Variants in PDE1C observed in about 807,000 individuals in gnomAD.
PDE1C encodes the protein dual specificity calcium/calmodulin-dependent 3',5'-cyclic nucleotide phosphodiesterase 1C.
Under a neutral mutation model 93.1 loss-of-function variants are expected in PDE1C, and 62 were observed. The observed-to-expected ratio is 0.67, with a 90% confidence interval of 0.54 to 0.82. The LOEUF (loss-of-function observed/expected upper bound fraction) is 0.82, where lower values mean the gene tolerates loss of function less well. PDE1C is among the 40% of genes least tolerant of loss of function. PDE1C has a pLI of 0.00. For missense variants in PDE1C, 742 were observed against 884.6 expected (o/e 0.84, Z 2.04); for synonymous variants, 325 against 310.1 (o/e 1.05, Z -0.50).
chr7:31,838,239 G>A (rs1026632247), intron 9 of PDE1C, among the ~76,000 whole-genome samples: 1 of 152,144 alleles, frequency 6.6e-6, no homozygotes, highest in African/African-American at 2.4e-5. Context: ...ACTGAAAATT[G>A]TATTAAAATG....
intron 3 of PDE1C, among the ~76,000 whole-genome samples, chr7:32,091,204 T>C (rs1797451761): frequency 6.6e-6 from 1 of 152,176 alleles, no homozygotes; most frequent in Admixed American, 6.6e-5. Flanking sequence ...GATGGTTAAG[T>C]AACTTATACA....
intron 2 of PDE1C, among the ~76,000 whole-genome samples, chr7:32,016,257 T>C (rs1047996217): frequency 1.3e-5 from 2 of 152,226 alleles, no homozygotes; most frequent in Non-Finnish European, 2.9e-5. Flanking sequence ...TTAATAAAGC[T>C]GTTTTCTTTA....
intron 2 of PDE1C, among the ~76,000 whole-genome samples, chr7:31,945,580 A>T (rs1806501829): frequency 6.6e-6 from 1 of 152,022 alleles, no homozygotes; most frequent in Admixed American, 6.6e-5. Flanking sequence ...TTCTGAGGAG[A>T]AGTCTGATGT....
chr7:32,355,405 G>T (rs1425564519), intron 1 of PDE1C, among the ~76,000 whole-genome samples: 1 of 152,202 alleles, frequency 6.6e-6, no homozygotes, highest in Non-Finnish European at 1.5e-5. Context: ...GCAGCAGCTC[G>T]CTAGGTTGAG....
At position 31,809,134 on chromosome 7, in the gene PDE1C, G is replaced by C. The variant is rs762570354; in HGVS notation, c.1814-26C>G. ...CTGAAAGTAATAAACATGACAAACA[G>C]TATATGTATGCAGCTGAGGGGGTTG... On this transcript the variant is annotated intron_variant, in intron 15 of 17. Coordinates refer to ENST00000396191, the MANE Select transcript of PDE1C (RefSeq NM_001191057.4). 1.3e-5 allele frequency: 17 copies of C among 1,262,744 alleles called. 1 individual carries two copies. The South Asian group carries it at 2.0e-4, about 15-fold the overall frequency. The allele number at this position is 1,262,744 out of a possible 1,614,324, so 78.2% of individuals were successfully genotyped here.
intron 2 of PDE1C, among the ~76,000 whole-genome samples, chr7:32,206,324 C>T (rs146674831): frequency 5.3e-5 from 8 of 152,238 alleles, no homozygotes; most frequent in African/African-American, 4.8e-5. Flanking sequence ...CTTCAATCAG[C>T]GTTTTTCTCT....
At chr7:31,869,594 CCCAAAAGTG>C (rs1795687475) in intron 6 of PDE1C, among the ~76,000 whole-genome samples, 1 of 151,982 alleles carries the variant, frequency 6.6e-6, no homozygotes. Context: ...CATACACACA[CCCAAAAGTG>C]AAGCACCCAG....
chr7:31,618,614 A>ATAAACTCCCCTCCATTAATG, the PDE1C span, among the ~76,000 whole-genome samples: 11 of 152,232 alleles, frequency 7.2e-5, no homozygotes, highest in African/African-American at 2.7e-4. Flanking sequence ...AGCAAATTTC[A>ATAAACTCCCCTCCATTAATG]TAAACTCCCC....
intron 7 of PDE1C, among the ~76,000 whole-genome samples, chr7:31,861,886 A>C (rs1794735492): frequency 6.6e-6 from 1 of 152,142 alleles, no homozygotes; most frequent in Non-Finnish European, 1.5e-5. Flanking sequence ...ACTTAGGATA[A>C]AATTGGAACT....
At chr7:32,039,383 A>G (rs1451513538) in intron 2 of PDE1C, among the ~76,000 whole-genome samples, 1 of 152,220 alleles carries the variant, frequency 6.6e-6, no homozygotes, top group Admixed American at 6.5e-5. Flanking sequence ...TATTGCTCAC[A>G]TCGGGTTCTC....
At chr7:32,005,820 T>C (rs909142809) in intron 2 of PDE1C, among the ~76,000 whole-genome samples, 1 of 152,132 alleles carries the variant, frequency 6.6e-6, no homozygotes, top group African/African-American at 2.4e-5. Context: ...TTGGCATTTT[T>C]GGATGTGCGC....
intron 17 of PDE1C, among the ~76,000 whole-genome samples, chr7:31,765,242 T>C (rs376082180): frequency 6.6e-6 from 1 of 152,186 alleles, no homozygotes; most frequent in East Asian, 1.9e-4. Flanking sequence ...TCAAATGCCC[T>C]GTGACTTCAT....
chr7:32,267,586 A>ACACTCTCTCTCTCTCTCTCTCTCT (rs1442508353), intron 1 of PDE1C, among the ~76,000 whole-genome samples: 4 of 117,608 alleles, frequency 3.4e-5, no homozygotes, highest in African/African-American at 1.4e-4. Flanking sequence ...ACACACACAC[A>ACACTCTCTCTCTCTCTCTCTCTCT]CTCTCTCTCT....
chr7:31,950,471 T>G (rs535787493), intron 2 of PDE1C, among the ~76,000 whole-genome samples: 2 of 152,294 alleles, frequency 1.3e-5, no homozygotes, highest in South Asian at 4.1e-4. Flanking sequence ...CTCAAAAGTA[T>G]GCAGAGTAGG....
chr7:32,252,024 G>A (rs913005152), intron 1 of PDE1C, among the ~76,000 whole-genome samples: 4 of 152,116 alleles, frequency 2.6e-5, no homozygotes, highest in African/African-American at 4.8e-5. Flanking sequence ...GTTCCATTTT[G>A]CACCTCTCTA....
intron 1 of PDE1C, among the ~76,000 whole-genome samples, chr7:32,280,339 A>T (rs1292790400): frequency 2.6e-5 from 4 of 152,206 alleles, no homozygotes; most frequent in Non-Finnish European, 1.5e-5. Flanking sequence ...GCTAAAACTG[A>T]AATACAAGAA....
intron 1 of PDE1C, among the ~76,000 whole-genome samples, chr7:32,258,526 G>A (rs949504665): frequency 2.6e-5 from 4 of 152,136 alleles, no homozygotes; most frequent in Non-Finnish European, 4.4e-5. Flanking sequence ...GCAAGGGCAC[G>A]CCCTGCCAAA....
In PDE1C at chr7:32,340,509, CTT is replaced by C. The variant is rs377748882; in HGVS notation, c.310+87311_310+87312del. Reference sequence around the variant, plus strand: ...GAACGCACAGCTATTTTTGTGAAGACTTTGAAACACACGCGAAGGAATTTGTA... The same window carrying C: ...GAACGCACAGCTATTTTTGTGAAGACTGAAACACACGCGAAGGAATTTGTA... On this transcript the variant is annotated intron_variant, in intron 1 of 1. Transcript: ENST00000672256. 2.5e-3 allele frequency among the ~76,000 whole-genome samples: 376 copies of C among 152,232 alleles called. 3 individuals carry two copies. Among genetic ancestry groups the C allele is most frequent in the African/African-American group, 8.6e-3 (358 of 41,542 alleles).
intron 16 of PDE1C, among the ~76,000 whole-genome samples, chr7:31,778,993 A>T (rs1783202445): frequency 6.6e-6 from 1 of 152,164 alleles, no homozygotes; most frequent in South Asian, 2.1e-4. Flanking sequence ...CTTCAAGCAC[A>T]GTCTCCCAAA....
Sources: gnomAD v4.1 joint callset for allele counts (sites outside exome capture counted in the v4.1 genomes callset) on GRCh38, gnomAD v4.1.1 for gene constraint, MANE v1.5 for transcripts, NCBI Gene and HGNC (gene_info 2026-07-23, HGNC 2026-07-21) for gene names.